MACROD2: variants seen among roughly 807,000 people sequenced by gnomAD.
MACROD2 encodes the protein mono-ADP ribosylhydrolase 2.
Under a neutral mutation model 70.4 loss-of-function variants are expected in MACROD2, and 36 were observed. The ratio of observed to expected loss-of-function variants is 0.51; its 90% CI spans 0.39 to 0.68. The LOEUF (loss-of-function observed/expected upper bound fraction) is 0.68. MACROD2 is among the 30% of genes least tolerant of loss of function. The pLI is 0.00. For synonymous variants in MACROD2, 172 were observed against 178.8 expected (o/e 0.96, Z 0.30); for missense variants, 496 against 538.4 (o/e 0.92, Z 0.78).
intron 3 of MACROD2, among the ~76,000 whole-genome samples, chr20:14,322,318 C>T (rs1328650806): frequency 6.7e-6 from 1 of 148,968 alleles, no homozygotes; most frequent in Non-Finnish European, 1.5e-5. Flanking sequence ...TTATTCCAGG[C>T]AACATAATCA....
chr20:14,509,453 T>C (rs947915529), intron 4 of MACROD2, among the ~76,000 whole-genome samples: 1 of 152,098 alleles, frequency 6.6e-6, no homozygotes. Context: ...GTTCACAATA[T>C]GTTAGAGACT....
chr20:14,885,196 A>G (rs917043836), intron 5 of MACROD2, among the ~76,000 whole-genome samples: 4 of 152,140 alleles, frequency 2.6e-5, no homozygotes, highest in African/African-American at 7.2e-5. Flanking sequence ...TGATACTACT[A>G]ATATCTGATA....
In MACROD2 at chr20:15,988,799, A is replaced by G. The variant is rs566604406; in HGVS notation, c.1153+1641A>G. Among the ~76,000 whole-genome samples, 13 of 152,230 alleles carry G rather than the reference A, an allele frequency of 8.5e-5. No individual in the cohort carries two copies. In the East Asian group the frequency reaches 1.7e-3, roughly 20 times the overall value. On this transcript the variant is annotated intron_variant, in intron 15 of 17. Transcript: ENST00000684519. The stretch of plus-strand genomic sequence containing the variant: ...TGAATTAACCACATTTTCTCTTCCC[A>G]TCTTTATCATAGATATTTCACTTGG...
At chr20:14,784,052 G>T (rs377006148) in intron 5 of MACROD2, among the ~76,000 whole-genome samples, 2 of 152,220 alleles carry the variant, frequency 1.3e-5, no homozygotes, top group African/African-American at 4.8e-5. Flanking sequence ...GATGGTAAAG[G>T]CAGGGGGATG....
At chr20:15,292,724 T>C (rs1380127505) in intron 6 of MACROD2, among the ~76,000 whole-genome samples, 1 of 152,246 alleles carries the variant, frequency 6.6e-6, no homozygotes, top group African/African-American at 2.4e-5. Flanking sequence ...GCTACATCAT[T>C]ATTATAAAGT....
At chr20:16,022,053 T>C (rs977498721) in intron 15 of MACROD2, among the ~76,000 whole-genome samples, 54 of 144,736 alleles carry the variant, frequency 3.7e-4, no homozygotes, top group Admixed American at 3.0e-3. Flanking sequence ...GTTTCTTTTT[T>C]TTTTTTTTTT....
intron 8 of MACROD2, among the ~76,000 whole-genome samples, chr20:15,693,366 A>G (rs2050322739): frequency 6.6e-6 from 1 of 152,126 alleles, no homozygotes; most frequent in African/African-American, 2.4e-5. Context: ...GTATCCTATT[A>G]GGTATGTAGT....
At chr20:15,064,382 T>C (rs2075557620) in intron 5 of MACROD2, among the ~76,000 whole-genome samples, 1 of 152,184 alleles carries the variant, frequency 6.6e-6, no homozygotes, top group Non-Finnish European at 1.5e-5. Context: ...GTGTAATTCA[T>C]AAATCACTGA....
At chr20:14,818,070 A>G (rs1302755659) in intron 5 of MACROD2, among the ~76,000 whole-genome samples, 2 of 152,102 alleles carry the variant, frequency 1.3e-5, no homozygotes, top group African/African-American at 2.4e-5. Flanking sequence ...ATCCTGATCT[A>G]TGGAAGATGG....
intron 10 of MACROD2, among the ~76,000 whole-genome samples, chr20:15,930,109 G>T (rs747581251): frequency 4.6e-5 from 7 of 152,086 alleles, no homozygotes; most frequent in African/African-American, 1.7e-4. Flanking sequence ...AAATAGCCTC[G>T]CACTTCCCTA....
intron 3 of MACROD2, among the ~76,000 whole-genome samples, chr20:14,300,743 A>G (rs143634218): frequency 3.3e-4 from 51 of 152,304 alleles, no homozygotes; most frequent in African/African-American, 1.2e-3. Flanking sequence ...GATTTCTTAC[A>G]TAGTGAAGGA....
chr20:15,611,205 C>T (rs915604971), intron 8 of MACROD2, among the ~76,000 whole-genome samples: 1 of 151,886 alleles, frequency 6.6e-6, no homozygotes, highest in African/African-American at 2.4e-5. Context: ...TTATTTAGTC[C>T]TTGTAACAAA....
At chr20:14,393,969 A>G (rs145209716) in intron 3 of MACROD2, among the ~76,000 whole-genome samples, 45 of 152,296 alleles carry the variant, frequency 3.0e-4, no homozygotes, top group Middle Eastern at 6.8e-3. Flanking sequence ...CAAGTCAGGA[A>G]GAGGGCCGTC....
chr20:15,228,310 G>A (rs2076928251), intron 5 of MACROD2, among the ~76,000 whole-genome samples: 1 of 151,914 alleles, frequency 6.6e-6, no homozygotes, highest in Admixed American at 6.6e-5. Context: ...GTGAAGTTTT[G>A]TATGCCTCCT....
intron 5 of MACROD2, among the ~76,000 whole-genome samples, chr20:15,195,173 G>A (rs6043128): frequency 1.3e-5 from 2 of 152,128 alleles, no homozygotes; most frequent in Admixed American, 6.5e-5. Flanking sequence ...CATAGGCATA[G>A]GCAAAGATTT....
intron 5 of MACROD2, among the ~76,000 whole-genome samples, chr20:15,006,613 A>AT (rs1364234084): frequency 2.6e-5 from 4 of 152,174 alleles, no homozygotes; most frequent in Non-Finnish European, 5.9e-5. Flanking sequence ...GCATATATAT[A>AT]TTTTTTATTT....
chr20:15,679,874 A>G (rs1019475130), intron 8 of MACROD2, among the ~76,000 whole-genome samples: 1 of 152,244 alleles, frequency 6.6e-6, no homozygotes, highest in African/African-American at 2.4e-5. Flanking sequence ...ACCTGCAGAA[A>G]TGTGAGAAAA....
chr20:14,601,881 A>C (rs1297125454), intron 4 of MACROD2, among the ~76,000 whole-genome samples: 1 of 152,182 alleles, frequency 6.6e-6, no homozygotes, highest in Non-Finnish European at 1.5e-5. Flanking sequence ...AGATTTTTCT[A>C]ACACCCCCTT....
intron 3 of MACROD2, among the ~76,000 whole-genome samples, chr20:14,346,283 A>G (rs2083063654): frequency 6.6e-6 from 1 of 152,050 alleles, no homozygotes; most frequent in Non-Finnish European, 1.5e-5. Context: ...CATAAACACT[A>G]CAAGACGTAT....
Sources: gnomAD v4.1 joint callset for allele counts (sites outside exome capture counted in the v4.1 genomes callset) on GRCh38, gnomAD v4.1.1 for gene constraint, MANE v1.5 for transcripts, NCBI Gene and HGNC (gene_info 2026-07-23, HGNC 2026-07-21) for gene names.